SMURF2: variants seen among roughly 807,000 people sequenced by gnomAD.
SMURF2 encodes E3 ubiquitin-protein ligase SMURF2.
Under a neutral mutation model 109.6 loss-of-function variants are expected in SMURF2, and 48 were observed. The ratio of observed to expected loss-of-function variants is 0.44; its 90% CI spans 0.35 to 0.56. The LOEUF (loss-of-function observed/expected upper bound fraction) is 0.56, where lower values mean the gene tolerates loss of function less well. Among genes scored for constraint, SMURF2 ranks in the 20% least tolerant of loss-of-function variants. The probability of loss-of-function intolerance (pLI) is 0.01; values close to 1 mark genes in which losing one functional copy is unlikely to be tolerated. For missense variants in SMURF2, 575 were observed against 909.0 expected, an observed-to-expected ratio of 0.63 and a Z score of 4.72; for synonymous variants, 288 against 317.1, an observed-to-expected ratio of 0.91 and a Z score of 0.97.
In SMURF2 at chr17:64,545,836, C is replaced by G. The variant is rs782123947; in HGVS notation, c.*12G>C. The G allele has an allele frequency of 1.9e-5, 29 of 1,528,978 alleles. No homozygotes were observed. The highest frequency in any genetic ancestry group is 2.5e-5 in the Non-Finnish European group (28 of 1,104,410). The allele number at this position is 1,528,978 out of a possible 1,614,324, so 94.7% of individuals were successfully genotyped here. A position where few individuals can be genotyped will look rare whatever the true frequency, so the allele number is the denominator to read the frequency against. On this transcript the variant is annotated 3_prime_UTR_variant, in exon 19 of 19. Coordinates refer to ENST00000262435, the MANE Select transcript of SMURF2 (RefSeq NM_022739.4). ...TGTATAAATAGAGTCCTGGGTAAAT[C>G]CTTGAAGCTTGTCATTCCACAGCAA...
intron 1 of SMURF2, among the ~76,000 whole-genome samples, chr17:64,618,391 T>C (rs1363763679): frequency 6.6e-6 from 1 of 152,236 alleles, no homozygotes; most frequent in East Asian, 1.9e-4. Context: ...AAAGCTATTA[T>C]TTTGAGAAAC....
At chr17:64,644,685 G>A (rs879978176) in intron 1 of SMURF2, among the ~76,000 whole-genome samples, 2 of 151,632 alleles carry the variant, frequency 1.3e-5, no homozygotes, top group Non-Finnish European at 2.9e-5. Context: ...GCTGAGACGG[G>A]CGGATCACCT....
intron 10 of SMURF2, among the ~76,000 whole-genome samples, chr17:64,567,462 C>T (rs1361444083): frequency 6.6e-6 from 1 of 152,178 alleles, no homozygotes. Context: ...CATTATTTTT[C>T]ATTCAGTTAT....
At chr17:64,610,403 T>C (rs1393946174) in intron 1 of SMURF2, among the ~76,000 whole-genome samples, 1 of 152,106 alleles carries the variant, frequency 6.6e-6, no homozygotes, top group Non-Finnish European at 1.5e-5. Context: ...GTGGCACATA[T>C]ACACCATGGA....
intron 1 of SMURF2, among the ~76,000 whole-genome samples, chr17:64,641,063 G>T (rs1156296644): frequency 3.3e-5 from 5 of 151,042 alleles, no homozygotes; most frequent in East Asian, 1.9e-4. Context: ...GAGAATTAAA[G>T]AATTAAATTC....
chr17:64,604,291 C>T (rs549888407), intron 2 of SMURF2, among the ~76,000 whole-genome samples: 1 of 152,216 alleles, frequency 6.6e-6, no homozygotes, highest in South Asian at 2.1e-4. Context: ...AAGATAATCA[C>T]ACTGTTTCCC....
At chr17:64,580,439 T>C (rs1969562977) in intron 8 of SMURF2, among the ~76,000 whole-genome samples, 1 of 152,250 alleles carries the variant, frequency 6.6e-6, no homozygotes. Context: ...GAACTTCAGA[T>C]TACCGTTATC....
Position 64,662,148 on chromosome 17 carries a change from G to A in SMURF2, c.-268C>T, listed in dbSNP as rs1970792468. 2 of 1,031,162 alleles carry A rather than the reference G, an allele frequency of 1.9e-6. No homozygotes were observed. The highest frequency in any genetic ancestry group is 4.7e-4 in the Middle Eastern group (1 of 2,122). The allele number at this position is 1,031,162 out of a possible 1,614,324, so 63.9% of individuals were successfully genotyped here. A position where few individuals can be genotyped will look rare whatever the true frequency, so the allele number is the denominator to read the frequency against. On this transcript the variant is annotated 5_prime_UTR_variant, in exon 1 of 19. Transcript: ENST00000262435. ...GGCCGCCCGCGCCGCCTCCGCCCGC[G>A]CCCCCGCCGCCTCCTCGCGGCCGCC...
At chr17:64,613,719 T>A (rs1555689818) in intron 1 of SMURF2, among the ~76,000 whole-genome samples, 5 of 137,252 alleles carry the variant, frequency 3.6e-5, no homozygotes, top group African/African-American at 1.1e-4. Flanking sequence ...TGTGTGTGTG[T>A]GTGTGTGTGT....
chr17:64,580,751 G>A, intron 8 of SMURF2, 38 bp downstream of exon 8: 2 of 1,589,464 alleles, frequency 1.3e-6, no homozygotes, highest in South Asian at 1.1e-5. Flanking sequence ...ACTGAAATCA[G>A]TAAACCACAT....
At chr17:64,619,419 C>G (rs377692491) in intron 1 of SMURF2, among the ~76,000 whole-genome samples, 1 of 140,250 alleles carries the variant, frequency 7.1e-6, no homozygotes, top group Non-Finnish European at 1.5e-5. Context: ...CAGAGCCTCC[C>G]GTGAGCCGAG....
chr17:64,591,067 T>G lies in SMURF2; in HGVS notation c.400+17A>C. 5.6e-6 allele frequency: 9 copies of G among 1,603,784 alleles called. No homozygotes were observed. Among genetic ancestry groups the G allele is most frequent in the Non-Finnish European group, 7.7e-6 (9 of 1,173,864 alleles). On this transcript the variant is annotated intron_variant, in intron 5 of 18. Transcript: ENST00000262435. ...GTTTGAAACCAAAATTCATGTAACTTTAAATTCCACACTTACCTACTATCT... is the reference window on the plus strand; with the variant it reads ...GTTTGAAACCAAAATTCATGTAACTGTAAATTCCACACTTACCTACTATCT...
At chr17:64,615,951 T>G (rs908897893) in intron 1 of SMURF2, among the ~76,000 whole-genome samples, 1 of 152,086 alleles carries the variant, frequency 6.6e-6, no homozygotes, top group Non-Finnish European at 1.5e-5. Context: ...TGCCTCAGCC[T>G]CTCGAGTAGC....
At chr17:64,614,127 T>A (rs1433328019) in intron 1 of SMURF2, among the ~76,000 whole-genome samples, 2 of 152,180 alleles carry the variant, frequency 1.3e-5, no homozygotes, top group African/African-American at 4.8e-5. Flanking sequence ...GATGCTTCAC[T>A]GGCTCATCTC....
chr17:64,592,403 G>T (rs1435495814), intron 4 of SMURF2, among the ~76,000 whole-genome samples: 1 of 152,120 alleles, frequency 6.6e-6, no homozygotes. Flanking sequence ...AGAAATACAA[G>T]AATTTCTTAG....
intron 1 of SMURF2, among the ~76,000 whole-genome samples, chr17:64,658,061 A>G (rs1161594655): frequency 1.3e-5 from 2 of 152,106 alleles, no homozygotes; most frequent in South Asian, 4.1e-4. Flanking sequence ...TCTAGTATAT[A>G]AAGTCATTAT....
In SMURF2 at chr17:64,655,890, G is replaced by A. The variant is rs541933719; in HGVS notation, c.52+5939C>T. Among the ~76,000 whole-genome samples the A allele has an allele frequency of 4.6e-5, 7 of 152,186 alleles. No individual in the cohort carries two copies. The South Asian group carries it at 6.2e-4, about 14-fold the overall frequency. On this transcript the variant is annotated intron_variant, in intron 1 of 18. Transcript: ENST00000262435. Reference sequence around the variant, plus strand: ...AGCCTGAGTGACAGAGTGAGACTCCGTCTCTTTAAAAAACTGGCCTAGTGA... The same window carrying A: ...AGCCTGAGTGACAGAGTGAGACTCCATCTCTTTAAAAAACTGGCCTAGTGA...
intron 1 of SMURF2, among the ~76,000 whole-genome samples, chr17:64,647,957 G>A (rs1175773594): frequency 1.3e-5 from 2 of 148,508 alleles, no homozygotes; most frequent in African/African-American, 2.5e-5. Flanking sequence ...TCAGGAGGCT[G>A]AAGCAGGAAG....
At chr17:64,549,262 CAAAAAAAAAAAA>C (rs577973821) in intron 16 of SMURF2, among the ~76,000 whole-genome samples, 1,204 of 41,712 alleles carry the variant, frequency 0.029, 51 homozygotes, top group African/African-American at 0.093. Context: ...ACTGTGTCTC[CAAAAAAAAAAAA>C]AAAAAAAAAA....
Sources: allele counts gnomAD v4.1 joint callset (sites outside exome capture counted in the v4.1 genomes callset), GRCh38; gene constraint gnomAD v4.1.1; transcripts MANE v1.5; gene names NCBI Gene and HGNC (gene_info 2026-07-23, HGNC 2026-07-21).